Variants in PDCD2L observed in about 807,000 individuals in gnomAD.
PDCD2L encodes uS5 assembly chaperone PDCD2L.
Under a neutral mutation model 40.4 loss-of-function variants are expected in PDCD2L, and 44 were observed. That is an observed-to-expected ratio of 1.09 (90% CI 0.86 to 1.40). PDCD2L has a LOEUF of 1.40. Among genes scored for constraint, PDCD2L ranks in the 40% most tolerant of loss-of-function variants. The probability of loss-of-function intolerance (pLI) is 0.00; values close to 1 mark genes in which losing one functional copy is unlikely to be tolerated. For synonymous variants in PDCD2L, 194 were observed against 174.6 expected, an observed-to-expected ratio of 1.11 and a Z score of -0.88; for missense variants, 470 against 453.7, an observed-to-expected ratio of 1.04 and a Z score of -0.33.
chr19:34,409,577 C>T, intron 4 of PDCD2L, 67 bp downstream of exon 4: 12 of 1,410,902 alleles, frequency 8.5e-6, no homozygotes, highest in Non-Finnish European at 1.2e-5. Flanking sequence ...AGTTACCCTT[C>T]AGTTTCACCA....
Position 34,426,036 on chromosome 19 carries a change from G to C in PDCD2L, c.993G>C (p.Lys331Asn). Residue 331 changes from lysine (K) to asparagine (N), a missense_variant, in exon 7 of 7, where the codon AAG (lysine) becomes AAC (asparagine). Transcript: ENST00000246535. ...CAATTCTAGTTTACACATGTGAGAAGAGTTGCTGGCCCCCAAATCATCAGA... is the reference window on the plus strand; with the variant it reads ...CAATTCTAGTTTACACATGTGAGAACAGTTGCTGGCCCCCAAATCATCAGA... ...FGTILVYTCEKSCWPPNHQTP... is the reference protein window; with the variant it reads ...FGTILVYTCENSCWPPNHQTP... 2 of 1,613,176 alleles carry C rather than the reference G, an allele frequency of 1.2e-6. No individual in the cohort carries two copies. The highest frequency in any genetic ancestry group is 1.7e-6 in the Non-Finnish European group (2 of 1,179,220).
At chr19:34,424,824 A>G (rs1012032091) in intron 6 of PDCD2L, among the ~76,000 whole-genome samples, 1 of 146,432 alleles carries the variant, frequency 6.8e-6, no homozygotes, top group African/African-American at 2.5e-5. Context: ...TTCTCACTGC[A>G]ACCTGTGCCT....
rs2075092032 is a variant in PDCD2L at position 34,409,377 on chromosome 19, T to C, written c.553T>C (p.Phe185Leu). 6.2e-7 allele frequency: 1 copy of C among 1,614,208 alleles called. No individual in the cohort carries two copies. The highest frequency in any genetic ancestry group is 1.3e-5 in the African/African-American group (1 of 75,062). ...AHPVPPGLPL[F>L]LPYYICVADE... ...TCCTGTGCCTCCTGGGCTGCCGCTCTTCCTGCCCTACTACATCTGTGTTGC... is the reference window on the plus strand; with the variant it reads ...TCCTGTGCCTCCTGGGCTGCCGCTCCTCCTGCCCTACTACATCTGTGTTGC... The change falls in exon 4 of 7, where the codon TTC (phenylalanine) becomes CTC (leucine). Residue 185 changes from phenylalanine (F) to leucine (L), a missense_variant. Physicochemically the swap from Phe to Leu is conservative, Grantham distance 22. Coordinates refer to ENST00000246535, the MANE Select transcript of PDCD2L (RefSeq NM_032346.2).
At position 34,410,865 on chromosome 19, in the gene PDCD2L, A is replaced by G. The variant is rs190054506; in HGVS notation, c.686+1355A>G. ...AGTGGTGCGATCTCGGCTCACTGCA[A>G]CCTCCCCTTCCTGGGTTCAAGCAAT... is the stretch of plus-strand genomic sequence containing the variant. On this transcript the variant is annotated intron_variant, in intron 4 of 6. Transcript: ENST00000246535. Among the ~76,000 whole-genome samples the G allele has an allele frequency of 3.0e-4, 45 of 149,232 alleles. No individual in the cohort carries two copies. In the East Asian group the frequency reaches 8.4e-3, roughly 28 times the overall value.
intron 3 of PDCD2L, among the ~76,000 whole-genome samples, chr19:34,406,522 A>G (rs1301272578): frequency 6.6e-6 from 1 of 151,726 alleles, no homozygotes; most frequent in Non-Finnish European, 1.5e-5. Context: ...AGCTGGGACC[A>G]CAGGCGCCCG....
chr19:34,406,593 A>G, intron 3 of PDCD2L, among the ~76,000 whole-genome samples: 1 of 151,730 alleles, frequency 6.6e-6, no homozygotes. Flanking sequence ...GGGTTTCACC[A>G]TGTTAGCCAG....
At chr19:34,408,989 C>G (rs2075089437) in intron 3 of PDCD2L, 172 bp from the exon 4 acceptor site, 1 of 606,362 alleles carries the variant, frequency 1.6e-6, no homozygotes, top group Non-Finnish European at 2.9e-6. Context: ...AAGTCACCTC[C>G]AACGTGCTTT....
chr19:34,424,189 G>C (rs2075165519), intron 6 of PDCD2L, among the ~76,000 whole-genome samples: 1 of 152,028 alleles, frequency 6.6e-6, no homozygotes, highest in Admixed American at 6.6e-5. Flanking sequence ...TCTAGTCTCT[G>C]AGATTTTTCA....
At chr19:34,414,813 A>T (rs1418004798) in intron 5 of PDCD2L, among the ~76,000 whole-genome samples, 2 of 151,538 alleles carry the variant, frequency 1.3e-5, no homozygotes, top group African/African-American at 2.4e-5. Flanking sequence ...TATTAAAAAA[A>T]TATTTTTTTA....
chr19:34,412,144 T>C (rs983603792), intron 4 of PDCD2L, among the ~76,000 whole-genome samples: 3 of 151,606 alleles, frequency 2.0e-5, no homozygotes. Flanking sequence ...CTTAGCCTCC[T>C]GAATAGCTAG....
intron 4 of PDCD2L, among the ~76,000 whole-genome samples, chr19:34,410,673 C>T (rs1300318661): frequency 6.6e-6 from 1 of 151,982 alleles, no homozygotes; most frequent in African/African-American, 2.4e-5. Context: ...TAGGCTTTTT[C>T]AGAATAATGA....
intron 4 of PDCD2L, among the ~76,000 whole-genome samples, chr19:34,412,023 GAA>G (rs1037688500): frequency 2.8e-5 from 4 of 143,156 alleles, no homozygotes; most frequent in Admixed American, 2.1e-4. Context: ...AAATATATAT[GAA>G]AATATATATA....
At position 34,404,965 on chromosome 19, in the gene PDCD2L, C is replaced by CAG; in HGVS notation, c.320_321dup (p.Ala108ArgfsTer50). ...TTCCGCTCCCAGTGCCTGCAGGTGC[C>CAG]AGAGAGAGAGGCGCAGGACGCTCAG... On this transcript the variant is annotated frameshift_variant, in exon 3 of 7. Transcript: ENST00000246535. LOFTEE classifies it high-confidence loss of function. The CAG allele has an allele frequency of 1.9e-6, 3 of 1,614,076 alleles. No homozygotes were observed. Among genetic ancestry groups the CAG allele is most frequent in the Non-Finnish European group, 2.5e-6 (3 of 1,180,016 alleles).
At chr19:34,413,427 C>T (rs1232112400) in intron 4 of PDCD2L, among the ~76,000 whole-genome samples, 4 of 150,932 alleles carry the variant, frequency 2.7e-5, no homozygotes, top group Admixed American at 2.6e-4. Context: ...CTTCCGCTTC[C>T]CGGGTTCAAG....
chr19:34,412,619 G>A (rs2075108875), intron 4 of PDCD2L, among the ~76,000 whole-genome samples: 1 of 151,570 alleles, frequency 6.6e-6, no homozygotes, highest in Non-Finnish European at 1.5e-5. Context: ...TCAGGAGGCT[G>A]AGGCAGGAGA....
Position 34,421,642 on chromosome 19 carries a change from C to T in PDCD2L, c.921C>T (p.Val307=), listed in dbSNP as rs1476315657. The T allele has an allele frequency of 6.2e-7, 1 of 1,614,078 alleles. No homozygotes were observed. The highest frequency in any genetic ancestry group is 1.1e-5 in the South Asian group (1 of 91,056). ...IFEFQLMPAL[V]SMLKSANLGL... is the part of the protein sequence containing the mutation. ...AGTTTCAGCTTATGCCAGCACTGGT[C>T]AGCATGCTCAAGAGTGCTAATTTAG... Residue 307 remains valine, a synonymous_variant, in exon 6 of 7, where the codon GTC becomes GTT. Transcript: ENST00000246535.
chr19:34,425,905 A>G, intron 6 of PDCD2L, 85 bp from the exon 7 acceptor site: 2 of 1,399,244 alleles, frequency 1.4e-6, no homozygotes, highest in East Asian at 2.3e-5. Context: ...TTACTTTTTC[A>G]GCTTATAAGG....
intron 4 of PDCD2L, among the ~76,000 whole-genome samples, chr19:34,412,903 T>C (rs1394381011): frequency 4.6e-5 from 7 of 151,450 alleles, no homozygotes. Context: ...CATGCCCAGC[T>C]AATTTTTGTA....
intron 5 of PDCD2L, among the ~76,000 whole-genome samples, chr19:34,416,886 C>T (rs144686037): frequency 0.021 from 3,144 of 152,174 alleles, 100 homozygotes; most frequent in East Asian, 0.1. Flanking sequence ...GAGGCCGAGG[C>T]GGGTGGATCA....
Sources: gnomAD v4.1 joint callset for allele counts (sites outside exome capture counted in the v4.1 genomes callset) on GRCh38, gnomAD v4.1.1 for gene constraint, MANE v1.5 for transcripts, NCBI Gene and HGNC (gene_info 2026-07-23, HGNC 2026-07-21) for gene names.